MEMO1: variants seen among roughly 807,000 people sequenced by gnomAD.
The protein encoded by MEMO1 is protein MEMO1.
Under a neutral mutation model 45.2 loss-of-function variants are expected in MEMO1, and 6 were observed. The observed-to-expected ratio is 0.13, with a 90% CI of 0.07 to 0.26. The LOEUF (loss-of-function observed/expected upper bound fraction) is 0.26. MEMO1 is among the 10% of genes least tolerant of loss of function. The probability of loss-of-function intolerance (pLI) is 1.00; values close to 1 mark genes in which losing one functional copy is unlikely to be tolerated. For missense variants in MEMO1, 184 were observed against 370.5 expected (o/e 0.50, Z 4.13); for synonymous variants, 78 against 124.3 (o/e 0.63, Z 2.48).
chr2:31,969,335 A>G (rs1442151000), intron 2 of MEMO1, among the ~76,000 whole-genome samples: 1 of 149,238 alleles, frequency 6.7e-6, no homozygotes, highest in Non-Finnish European at 1.5e-5. Flanking sequence ...ATGTGTGTAT[A>G]TATACACATT....
intron 6 of MEMO1, among the ~76,000 whole-genome samples, chr2:31,911,238 T>C (rs1680523362): frequency 6.6e-6 from 1 of 152,164 alleles, no homozygotes; most frequent in Non-Finnish European, 1.5e-5. Flanking sequence ...TGGAGGAATC[T>C]TGAAGGTATG....
intron 3 of MEMO1, among the ~76,000 whole-genome samples, chr2:31,933,593 G>A (rs1664563621): frequency 6.6e-6 from 1 of 151,542 alleles, no homozygotes; most frequent in Non-Finnish European, 1.5e-5. Context: ...TTTAAAAATG[G>A]TCCTAATCTG....
At chr2:31,974,291 A>G (rs977220961) in intron 2 of MEMO1, among the ~76,000 whole-genome samples, 2 of 152,222 alleles carry the variant, frequency 1.3e-5, no homozygotes, top group Non-Finnish European at 2.9e-5. Context: ...AATGCCAATT[A>G]CTATAATATA....
intron 2 of MEMO1, among the ~76,000 whole-genome samples, chr2:31,995,282 T>C (rs1278813857): frequency 2.6e-5 from 4 of 151,852 alleles, no homozygotes; most frequent in Admixed American, 2.6e-4. Flanking sequence ...TGAAACCTCA[T>C]CTCTACTAAA....
chr2:31,972,637 G>A (rs1476929204), intron 2 of MEMO1, among the ~76,000 whole-genome samples: 1 of 152,174 alleles, frequency 6.6e-6, no homozygotes, highest in African/African-American at 2.4e-5. Flanking sequence ...CTTGAGCCCA[G>A]GAGATGGAGG....
chr2:31,957,251 C>T (rs1026020795), intron 2 of MEMO1, among the ~76,000 whole-genome samples: 9 of 151,742 alleles, frequency 5.9e-5, no homozygotes, highest in East Asian at 1.9e-4. Flanking sequence ...TTGTATTTTA[C>T]ACTACGTACA....
At chr2:31,901,962 A>G (rs1678895604) in intron 6 of MEMO1, among the ~76,000 whole-genome samples, 1 of 149,726 alleles carries the variant, frequency 6.7e-6, no homozygotes, top group Non-Finnish European at 1.5e-5. Flanking sequence ...ACAACTCTGT[A>G]GATTTACTAA....
intron 2 of MEMO1, among the ~76,000 whole-genome samples, chr2:31,944,552 A>T (rs1239290542): frequency 1.3e-5 from 2 of 152,198 alleles, no homozygotes; most frequent in Non-Finnish European, 2.9e-5. Context: ...CTCGTATTTC[A>T]ACAAATTGTC....
At chr2:31,881,671 C>T (rs1675398338) in intron 8 of MEMO1, among the ~76,000 whole-genome samples, 1 of 151,894 alleles carries the variant, frequency 6.6e-6, no homozygotes, top group Non-Finnish European at 1.5e-5. Flanking sequence ...TTTTTTATAG[C>T]TCTTTTTAAT....
intron 2 of MEMO1, among the ~76,000 whole-genome samples, chr2:32,000,791 T>TA: frequency 9.5e-6 from 1 of 105,082 alleles, no homozygotes; most frequent in East Asian, 2.5e-4. Flanking sequence ...ATACCACATA[T>TA]TTTTTTTTTT....
rs1572513490 is a variant in MEMO1 at position 31,868,641 on chromosome 2, T to G, written c.763-149A>C. The G allele has an allele frequency of 4.4e-6, 3 of 683,248 alleles. No individual in the cohort carries two copies. The East Asian group carries it at 1.1e-4, about 24-fold the overall frequency. The allele number at this position is 683,248 out of a possible 1,614,324, so 42.3% of individuals were successfully genotyped here. On this transcript the variant is annotated intron_variant, in intron 9 of 9. Coordinates refer to ENST00000404530, the MANE Select transcript of MEMO1 (RefSeq NM_001301833.4). ...TTCTTGAATTTCTCTTGTTGCATCA[T>G]ATTAAAATAGAAAAAAAAGAATTCC...
intron 4 of MEMO1, chr2:31,923,629 T>C: frequency 6.5e-7 from 1 of 1,546,688 alleles, no homozygotes; most frequent in Non-Finnish European, 8.7e-7. Flanking sequence ...GGCCAGGTAG[T>C]ATATGAACCA....
At chr2:31,889,550 T>C (rs888473671) in intron 7 of MEMO1, among the ~76,000 whole-genome samples, 2 of 152,078 alleles carry the variant, frequency 1.3e-5, no homozygotes, top group Non-Finnish European at 2.9e-5. Flanking sequence ...GTGAGAAACA[T>C]GAAACTTAAT....
rs1167699026 is a variant in MEMO1 at position 31,917,917 on chromosome 2, T to C, written c.437+9A>G. On this transcript the variant is annotated intron_variant, in intron 6 of 9. Transcript: ENST00000404530. Reference sequence around the variant, plus strand: ...ATTTCCTGGGGATTTCTTATATCAATCAATATACCTTTCCATGGCTTTAGC... The same window carrying C: ...ATTTCCTGGGGATTTCTTATATCAACCAATATACCTTTCCATGGCTTTAGC... The C allele has an allele frequency of 3.9e-6, 6 of 1,541,262 alleles. No individual in the cohort carries two copies. The highest frequency in any genetic ancestry group is 1.2e-5 in the South Asian group (1 of 83,692).
chr2:31,883,034 G>T lies in MEMO1; in HGVS notation c.657+352C>A, dbSNP rs538777525. On this transcript the variant is annotated intron_variant, in intron 8 of 9. Coordinates refer to ENST00000404530, the MANE Select transcript of MEMO1 (RefSeq NM_001301833.4). ...TTTCAGGTAGTCGTGAAACAAACAG[G>T]AATTAGAGTCAAGGTATCCCATCAT... Among the ~76,000 whole-genome samples the T allele has an allele frequency of 5.9e-5, 9 of 152,172 alleles. No individual in the cohort carries two copies. The East Asian group carries it at 1.7e-3, about 29-fold the overall frequency.
At chr2:32,010,788 G>A (rs1304598999) in intron 1 of MEMO1, among the ~76,000 whole-genome samples, 154 bp downstream of exon 1, 8 of 151,908 alleles carry the variant, frequency 5.3e-5, no homozygotes, top group African/African-American at 1.9e-4. Flanking sequence ...CGCGCGGCGA[G>A]GTTAACGGCG....
At chr2:31,956,436 C>T (rs188784766) in intron 2 of MEMO1, among the ~76,000 whole-genome samples, 2 of 152,064 alleles carry the variant, frequency 1.3e-5, no homozygotes, top group East Asian at 3.9e-4. Flanking sequence ...AAACATTAAG[C>T]ACTGTCTCAC....
At chr2:31,899,771 T>G (rs1678493106) in intron 6 of MEMO1, among the ~76,000 whole-genome samples, 1 of 152,218 alleles carries the variant, frequency 6.6e-6, no homozygotes, top group Non-Finnish European at 1.5e-5. Flanking sequence ...GAGAAACTTT[T>G]GCAATCTATC....
At chr2:32,003,427 G>A (rs888122036) in intron 2 of MEMO1, among the ~76,000 whole-genome samples, 1 of 152,072 alleles carries the variant, frequency 6.6e-6, no homozygotes, top group Non-Finnish European at 1.5e-5. Context: ...AAAAAGCAAA[G>A]AAATGTTCTA....
Sources: allele counts gnomAD v4.1 joint callset (sites outside exome capture counted in the v4.1 genomes callset), GRCh38; gene constraint gnomAD v4.1.1; transcripts MANE v1.5; gene names NCBI Gene and HGNC (gene_info 2026-07-23, HGNC 2026-07-21).